MCM10: variants seen among roughly 807,000 people sequenced by gnomAD.
MCM10 encodes the protein protein MCM10 homolog.
MCM10 carries 91 observed loss-of-function variants against 109.9 expected under a neutral mutation model. The observed-to-expected ratio is 0.83, with a 90% CI of 0.70 to 0.99. The LOEUF (loss-of-function observed/expected upper bound fraction) is 0.99. Among genes scored for constraint, MCM10 ranks in the 50% least tolerant of loss-of-function variants. The probability of loss-of-function intolerance (pLI) is 0.00; values close to 1 mark genes in which losing one functional copy is unlikely to be tolerated. For synonymous variants in MCM10, 380 were observed against 387.2 expected (o/e 0.98, Z 0.22); for missense variants, 1,077 against 1,061.2 (o/e 1.01, Z -0.21).
rs542082386 is a variant in MCM10 at position 13,169,863 on chromosome 10, G to T, written c.8-1059G>T. The stretch of plus-strand genomic sequence containing the variant: ...TGGGATTACAGGCACGGGCCACCAC[G>T]CCCAGCTAATTTTTGTATTATTAGT... On this transcript the variant is annotated intron_variant, in intron 2 of 19. Coordinates refer to ENST00000378714, the MANE Select transcript of MCM10 (RefSeq NM_018518.5). 1.1e-3 allele frequency among the ~76,000 whole-genome samples: 169 copies of T among 152,238 alleles called. 1 individual carries two copies. The highest frequency in any genetic ancestry group is 3.9e-3 in the African/African-American group (162 of 41,556).
intron 15 of MCM10, 45 bp downstream of exon 15, chr10:13,197,812 T>C: frequency 1.9e-6 from 3 of 1,582,464 alleles, no homozygotes; most frequent in Non-Finnish European, 2.6e-6. Context: ...AAACTGTTTC[T>C]AAGGGAAATA....
At chr10:13,184,368 CTG>C (rs1447807432) in intron 8 of MCM10, among the ~76,000 whole-genome samples, 1 of 152,190 alleles carries the variant, frequency 6.6e-6, no homozygotes, top group Non-Finnish European at 1.5e-5. Context: ...GCTCCGTTGA[CTG>C]TGACAACCAT....
At chr10:13,179,004 T>C (rs7078163) in intron 6 of MCM10, among the ~76,000 whole-genome samples, 1,716 of 152,336 alleles carry the variant, frequency 0.011, 29 homozygotes, top group African/African-American at 0.028. Context: ...TTTCAGATTG[T>C]TCGTTGTTGG....
At chr10:13,197,527 A>G in intron 14 of MCM10, 96 bp from the exon 15 acceptor site, 7 of 1,124,374 alleles carry the variant, frequency 6.2e-6, no homozygotes, top group Non-Finnish European at 8.9e-6. Context: ...GAGAACAGCC[A>G]GAATTCACTG....
intron 14 of MCM10, 143 bp downstream of exon 14, chr10:13,195,412 A>G (rs958951323): frequency 1.1e-5 from 7 of 646,700 alleles, no homozygotes; most frequent in Middle Eastern, 4.1e-4. Context: ...TCAACATAAT[A>G]CTAAAAGAAA....
chr10:13,185,316 C>T (rs983360467), intron 8 of MCM10, among the ~76,000 whole-genome samples: 7 of 152,158 alleles, frequency 4.6e-5, no homozygotes, highest in African/African-American at 1.2e-4. Context: ...AGGACAAAGC[C>T]CGAGCTATTC....
At chr10:13,175,218 G>C (rs1834125056) in intron 5 of MCM10, among the ~76,000 whole-genome samples, 1 of 152,080 alleles carries the variant, frequency 6.6e-6, no homozygotes, top group Non-Finnish European at 1.5e-5. Context: ...TGGATTGCTT[G>C]GGCTCAGGGG....
rs2131557802 is a variant in MCM10 at position 13,170,916 on chromosome 10, C to A, written c.8-6C>A. The stretch of plus-strand genomic sequence containing the variant: ...ATTCTCTGTCCTTTCTCTTCTTTTC[C>A]CCTAGAGGAGGAAGACAATCTGTCT... On this transcript the variant is annotated splice_region_variant and splice_polypyrimidine_tract_variant and intron_variant, in intron 2 of 19. Transcript: ENST00000378714. The A allele has an allele frequency of 6.2e-7, 1 of 1,609,258 alleles. No individual in the cohort carries two copies. Among genetic ancestry groups the A allele is most frequent in the South Asian group, 1.1e-5 (1 of 90,960 alleles).
At chr10:13,170,126 CTA>C (rs1459670797) in intron 2 of MCM10, among the ~76,000 whole-genome samples, 1 of 152,174 alleles carries the variant, frequency 6.6e-6, no homozygotes, top group Non-Finnish European at 1.5e-5. Context: ...TATAGATTGA[CTA>C]TGACTGCCTA....
intron 16 of MCM10, among the ~76,000 whole-genome samples, chr10:13,199,399 T>C (rs1357036159): frequency 6.6e-6 from 1 of 152,218 alleles, no homozygotes; most frequent in African/African-American, 2.4e-5. Flanking sequence ...TGTGAAATTA[T>C]GTTTAAATGG....
intron 11 of MCM10, 115 bp downstream of exon 11, chr10:13,191,514 A>G (rs993446894): frequency 3.2e-5 from 23 of 722,798 alleles, no homozygotes; most frequent in Non-Finnish European, 4.8e-5. Flanking sequence ...GTACACCAAA[A>G]TCTCAGAAAT....
Position 13,197,605 on chromosome 10 carries a change from T to C in MCM10, c.1975-18T>C, listed in dbSNP as rs1298491760. ...CATCTTTTAGATCTTTACCTCCCTC[T>C]CATTCCCTTTTTTCTAGTTAGCTGC... On this transcript the variant is annotated intron_variant, in intron 14 of 19. Transcript: ENST00000378714. 1.2e-6 allele frequency: 2 copies of C among 1,608,414 alleles called. No individual in the cohort carries two copies. Among genetic ancestry groups the C allele is most frequent in the Non-Finnish European group, 8.5e-7 (1 of 1,178,506 alleles).
At chr10:13,208,891 C>A (rs1289098023) in intron 18 of MCM10, among the ~76,000 whole-genome samples, 200 bp from the exon 19 acceptor site, 1 of 152,240 alleles carries the variant, frequency 6.6e-6, no homozygotes, top group East Asian at 1.9e-4. Flanking sequence ...TAAGGACCTA[C>A]AGACCACTTC....
Position 13,170,376 on chromosome 10 carries a change from T to A in MCM10, c.8-546T>A, listed in dbSNP as rs552817174. Among the ~76,000 whole-genome samples the A allele has an allele frequency of 3.3e-3, 496 of 150,838 alleles. 7 individuals are homozygous for A. The highest frequency in any genetic ancestry group is 0.011 in the African/African-American group (442 of 41,408). ...TATATAGTTTGTATCTTTTTTTTTT[T>A]AAATCTCAAATAATTTGAAGGTCAG... is the stretch of plus-strand genomic sequence containing the variant. On this transcript the variant is annotated intron_variant, in intron 2 of 19. Transcript: ENST00000378714.
intron 13 of MCM10, among the ~76,000 whole-genome samples, 157 bp from the exon 14 acceptor site, chr10:13,194,884 G>T (rs1388244490): frequency 3.9e-5 from 6 of 152,204 alleles, no homozygotes; most frequent in South Asian, 2.1e-4. Flanking sequence ...TTCTTATCGT[G>T]TGCAAATTTG....
At chr10:13,176,623 G>A (rs1169416081) in intron 6 of MCM10, among the ~76,000 whole-genome samples, 4 of 152,232 alleles carry the variant, frequency 2.6e-5, no homozygotes, top group East Asian at 1.9e-4. Flanking sequence ...AAGGCTGGGC[G>A]TGGTAGCTCA....
intron 18 of MCM10, among the ~76,000 whole-genome samples, chr10:13,204,981 C>G (rs1834551196): frequency 1.7e-5 from 1 of 59,740 alleles, no homozygotes. Flanking sequence ...TATTGTGCTT[C>G]TCATGTATGT....
Position 13,166,649 on chromosome 10 carries a change from A to ACATATATATAT in MCM10, c.7+2440_7+2441insCATATATATAT, listed in dbSNP as rs1554773845. 1.3e-3 allele frequency among the ~76,000 whole-genome samples: 55 copies of ACATATATATAT among 41,506 alleles called. 3 individuals are homozygous for ACATATATATAT. Among genetic ancestry groups the ACATATATATAT allele is most frequent in the African/African-American group, 4.2e-3 (54 of 12,892 alleles). 27.2% of individuals were successfully genotyped at this position (41,506 alleles called of 152,430 possible). A position where few individuals can be genotyped will look rare whatever the true frequency, so the allele number is the denominator to read the frequency against. On this transcript the variant is annotated intron_variant, in intron 2 of 19. Transcript: ENST00000378714. ...AAACTCTGTCTCAAAAAAAAAAAAAAATACATACATACATATATATATATA... is the reference window on the plus strand; with the variant it reads ...AAACTCTGTCTCAAAAAAAAAAAAAACATATATATATATACATACATACATATATATATATA...
Position 13,175,530 on chromosome 10 carries a change from A to G in MCM10, c.613A>G (p.Arg205Gly). ...TCTAGATCCCAAAAGCTCATCTTCA[A>G]GGATGACAAGTGCACCCTCCCAACC... Reference protein sequence around the residue: ...SPPDPKSSSSRMTSAPSQPLQ... With the variant: ...SPPDPKSSSSGMTSAPSQPLQ... The change falls in exon 6 of 20, where the codon AGG (arginine) becomes GGG (glycine). Residue 205 changes from arginine to glycine, a missense_variant. Coordinates refer to ENST00000378714, the MANE Select transcript of MCM10 (RefSeq NM_018518.5). 1 of 1,614,000 alleles carries G rather than the reference A, an allele frequency of 6.2e-7. No individual in the cohort carries two copies. Among genetic ancestry groups the G allele is most frequent in the Non-Finnish European group, 8.5e-7 (1 of 1,179,916 alleles).
Sources: allele counts gnomAD v4.1 joint callset (sites outside exome capture counted in the v4.1 genomes callset), GRCh38; gene constraint gnomAD v4.1.1; transcripts MANE v1.5; gene names NCBI Gene and HGNC (gene_info 2026-07-23, HGNC 2026-07-21).